The following TPD52 variants were observed in gnomAD, a reference collection of about 807,000 sequenced individuals.
TPD52 encodes tumor protein D52.
TPD52 carries 17 observed loss-of-function variants against 31.3 expected under a neutral mutation model. The ratio of observed to expected loss-of-function variants is 0.54; its 90% confidence interval spans 0.37 to 0.82. The LOEUF (loss-of-function observed/expected upper bound fraction) is 0.82. Ranked by LOEUF, TPD52 falls within the 40% of genes least tolerant of loss-of-function variation. The pLI is 0.00. For synonymous variants in TPD52, 83 were observed against 89.6 expected, an observed-to-expected ratio of 0.93 and a Z score of 0.42; for missense variants, 212 against 240.1, an observed-to-expected ratio of 0.88 and a Z score of 0.77.
At chr8:80,148,536 A>G (rs1366863301) in intron 1 of TPD52, among the ~76,000 whole-genome samples, 2 of 152,224 alleles carry the variant, frequency 1.3e-5, no homozygotes, top group Non-Finnish European at 2.9e-5. Context: ...ACATAACAAC[A>G]TAAAACAACA....
chr8:80,140,673 T>C (rs1473390638), intron 1 of TPD52, among the ~76,000 whole-genome samples: 2 of 152,106 alleles, frequency 1.3e-5, no homozygotes, highest in African/African-American at 4.8e-5. Flanking sequence ...AACTCCCACA[T>C]GTAATCTATT....
chr8:80,081,244 C>T (rs913071136), intron 1 of TPD52, among the ~76,000 whole-genome samples: 3 of 150,492 alleles, frequency 2.0e-5, no homozygotes, highest in South Asian at 2.1e-4. Context: ...GGAAAGCTCC[C>T]GGGTATTCCC....
At chr8:80,062,974 A>T (rs547763147) in intron 2 of TPD52, among the ~76,000 whole-genome samples, 1 of 146,802 alleles carries the variant, frequency 6.8e-6, no homozygotes, top group South Asian at 2.1e-4. Flanking sequence ...CTTGTATCTT[A>T]AAAAAAAAGT....
intron 1 of TPD52, chr8:80,080,493 A>T: frequency 6.2e-7 from 1 of 1,608,974 alleles, no homozygotes; most frequent in Non-Finnish European, 8.5e-7. Context: ...TAATCGCCTG[A>T]TATCAGCCTT....
chr8:80,153,535 A>G (rs1035660629), intron 1 of TPD52, among the ~76,000 whole-genome samples: 3 of 152,188 alleles, frequency 2.0e-5, no homozygotes, highest in African/African-American at 7.2e-5. Flanking sequence ...TTTTGGCTAC[A>G]CTGGCATCAT....
intron 1 of TPD52, among the ~76,000 whole-genome samples, chr8:80,085,683 A>G (rs1158771502): frequency 2.0e-5 from 3 of 152,212 alleles, no homozygotes; most frequent in African/African-American, 4.8e-5. Context: ...AGTAATAAAT[A>G]GAGAGAAGGA....
intron 1 of TPD52, among the ~76,000 whole-genome samples, chr8:80,112,028 T>G (rs1807531943): frequency 6.6e-6 from 1 of 152,270 alleles, no homozygotes; most frequent in Non-Finnish European, 1.5e-5. Context: ...TCACCATACC[T>G]GATGTGTGGA....
intron 1 of TPD52, among the ~76,000 whole-genome samples, chr8:80,074,514 C>T (rs1186959367): frequency 2.0e-5 from 3 of 152,196 alleles, no homozygotes; most frequent in African/African-American, 7.2e-5. Context: ...CACGGCACCA[C>T]GGGCGTCATG....
At chr8:80,167,845 A>G (rs1001933167) in intron 1 of TPD52, among the ~76,000 whole-genome samples, 4 of 152,234 alleles carry the variant, frequency 2.6e-5, no homozygotes, top group Admixed American at 1.3e-4. Context: ...TCAAACTAGT[A>G]TAATGTGTAG....
At chr8:80,089,332 G>A (rs1165462439) in intron 1 of TPD52, among the ~76,000 whole-genome samples, 3 of 152,180 alleles carry the variant, frequency 2.0e-5, no homozygotes, top group Non-Finnish European at 4.4e-5. Flanking sequence ...GACAGTGACC[G>A]CATTAATGAA....
At chr8:80,053,453 A>G (rs767900750) in intron 2 of TPD52, 23 bp from the exon 3 acceptor site, 1 of 1,609,300 alleles carries the variant, frequency 6.2e-7, no homozygotes, top group African/African-American at 1.3e-5. Context: ...GGTTTGGGGT[A>G]AGAATATAGC....
At chr8:80,051,264 T>C in intron 4 of TPD52, 3 of 498,894 alleles carry the variant, frequency 6.0e-6, no homozygotes, top group Non-Finnish European at 1.1e-5. Flanking sequence ...TGCATGATCA[T>C]GAAGAACTAA....
intron 1 of TPD52, among the ~76,000 whole-genome samples, chr8:80,136,824 A>T (rs1586372070): frequency 6.6e-6 from 1 of 152,328 alleles, no homozygotes; most frequent in East Asian, 1.9e-4. Context: ...CCACATCCAT[A>T]AAATACACAA....
chr8:80,063,440 T>C (rs984155229), intron 2 of TPD52, among the ~76,000 whole-genome samples: 1 of 152,052 alleles, frequency 6.6e-6, no homozygotes, highest in Non-Finnish European at 1.5e-5. Flanking sequence ...AGGGATCTCT[T>C]TGGAGGTGAA....
In TPD52 at chr8:80,036,914, G is replaced by A. The variant is rs747486420; in HGVS notation, c.*1202C>T. The A allele has an allele frequency of 6.6e-6, 1 of 152,338 alleles. No homozygotes were observed. Among genetic ancestry groups the A allele is most frequent in the Non-Finnish European group, 1.5e-5 (1 of 68,022 alleles). 9.4% of individuals were successfully genotyped at this position (152,338 alleles called of 1,614,324 possible). On this transcript the variant is annotated 3_prime_UTR_variant, in exon 8 of 8. Transcript: ENST00000518937. Reference sequence around the variant, plus strand: ...TATACAGTATAAGGAAAAGGTGGTAGTGTTGAGTAAGCAGTTATTAGAATA... The same window carrying A: ...TATACAGTATAAGGAAAAGGTGGTAATGTTGAGTAAGCAGTTATTAGAATA...
At chr8:80,157,652 C>T (rs1336304161) in intron 1 of TPD52, among the ~76,000 whole-genome samples, 1 of 152,204 alleles carries the variant, frequency 6.6e-6, no homozygotes, top group Non-Finnish European at 1.5e-5. Context: ...TTCAGGTTGG[C>T]CCTTAGAAAT....
chr8:80,032,569 G>A (rs923788305), downstream of TPD52, among the ~76,000 whole-genome samples: 7 of 152,164 alleles, frequency 4.6e-5, no homozygotes, highest in Admixed American at 1.3e-4. Context: ...ACAGAAAATA[G>A]TTTCATTCTA....
chr8:80,064,697 C>T, intron 1 of TPD52, 104 bp from the exon 2 acceptor site: 1 of 793,028 alleles, frequency 1.3e-6, no homozygotes, highest in East Asian at 2.5e-5. Flanking sequence ...TAGAGTAGAT[C>T]CACACATCTC....
intron 1 of TPD52, among the ~76,000 whole-genome samples, chr8:80,131,481 G>C (rs1809013519): frequency 6.6e-6 from 1 of 152,118 alleles, no homozygotes; most frequent in Non-Finnish European, 1.5e-5. Context: ...CAAAAGATCA[G>C]TATGTCTTCC....
Sources: gnomAD v4.1 joint callset for allele counts (sites outside exome capture counted in the v4.1 genomes callset) on GRCh38, gnomAD v4.1.1 for gene constraint, MANE v1.5 for transcripts, NCBI Gene and HGNC (gene_info 2026-07-23, HGNC 2026-07-21) for gene names.